Variants in TAF6L observed in about 807,000 individuals in gnomAD.
The protein encoded by TAF6L is TATA-box binding protein associated factor 6 like, also known as TAF6-like RNA polymerase II p300/CBP-associated factor-associated factor 65 kDa subunit 6L.
Under a neutral mutation model 57.3 loss-of-function variants are expected in TAF6L, and 34 were observed. The observed-to-expected ratio is 0.59, with a 90% CI of 0.45 to 0.79. TAF6L has a LOEUF of 0.79. Ranked by LOEUF, TAF6L falls within the 30% of genes least tolerant of loss-of-function variation. The pLI is 0.00. For missense variants in TAF6L, 782 were observed against 853.2 expected (o/e 0.92, Z 1.04); for synonymous variants, 417 against 376.3 (o/e 1.11, Z -1.25).
chr11:62,778,389 C>T (rs769802024), intron 5 of TAF6L, 54 bp downstream of exon 5: 1 of 1,604,208 alleles, frequency 6.2e-7, no homozygotes, highest in South Asian at 1.1e-5. Context: ...CCCTTAGGTT[C>T]TGAGGGTGGT....
chr11:62,787,108 C>T lies in TAF6L; in HGVS notation c.1681C>T (p.Arg561Cys), dbSNP rs374489267. ...CGCCCCGCGCGGCGCCCCGCACTTT[C>T]GTTTCATCATAGCCGGGCGGCAGGC... Reference protein sequence around the residue: ...RFAPRGAPHFRFIIAGRQAGR... With the variant: ...RFAPRGAPHFCFIIAGRQAGR... Residue 561 changes from arginine (R) to cysteine (C), a missense_variant, in exon 11 of 11, where the codon CGT becomes TGT. Physicochemically the swap from Arg to Cys is radical, Grantham distance 180. Around this residue, in one of 3 missense-constraint regions of TAF6L, gnomAD observed 483 missense variants for 445.1 expected, o/e 1.09. Coordinates refer to ENST00000294168, the MANE Select transcript of TAF6L (RefSeq NM_006473.4). 5 of 1,549,340 alleles carry T rather than the reference C, an allele frequency of 3.2e-6. No homozygotes were observed. The highest frequency in any genetic ancestry group is 1.4e-5 in the African/African-American group (1 of 72,312).
intron 6 of TAF6L, among the ~76,000 whole-genome samples, chr11:62,780,759 G>A (rs891640690): frequency 2.7e-5 from 4 of 150,830 alleles, no homozygotes; most frequent in Non-Finnish European, 4.4e-5. Flanking sequence ...GTGATTTCCC[G>A]TTGGATATCT....
intron 5 of TAF6L, 74 bp downstream of exon 5, chr11:62,778,409 C>A: frequency 3.2e-6 from 5 of 1,550,736 alleles, no homozygotes; most frequent in Non-Finnish European, 4.4e-6. Flanking sequence ...TGCCTATGTG[C>A]CCCCGAGTCT....
intron 6 of TAF6L, among the ~76,000 whole-genome samples, chr11:62,781,189 T>C (rs1040822360): frequency 4.7e-5 from 7 of 150,368 alleles, no homozygotes; most frequent in Admixed American, 3.3e-4. Flanking sequence ...TGAGCTGAGA[T>C]TGAGCCACTG....
At chr11:62,772,545 CG>C (rs1490881838) in intron 1 of TAF6L, among the ~76,000 whole-genome samples, 2 of 135,246 alleles carry the variant, frequency 1.5e-5, no homozygotes, top group Non-Finnish European at 3.1e-5. Context: ...AAAAGCTCGT[CG>C]GGCCAGGTGC....
chr11:62,785,808 TACAGGCGTGAGCC>T (rs1257382425), intron 9 of TAF6L, among the ~76,000 whole-genome samples: 3 of 152,238 alleles, frequency 2.0e-5, no homozygotes, highest in Admixed American at 6.5e-5. Flanking sequence ...GTGCTGGGAT[TACAGGCGTGAGCC>T]ACAGCGCCTG....
chr11:62,777,863 TC>T (rs1213653244), intron 3 of TAF6L, 114 bp from the exon 4 acceptor site: 104 of 1,288,860 alleles, frequency 8.1e-5, no homozygotes, highest in Middle Eastern at 2.6e-4. Flanking sequence ...TCTTGGGACT[TC>T]TGGACTTCCT....
rs374489267 is a variant in TAF6L at position 62,787,108 on chromosome 11, C to G, written c.1681C>G (p.Arg561Gly). 6.5e-7 allele frequency: 1 copy of G among 1,549,340 alleles called. No homozygotes were observed. Among genetic ancestry groups the G allele is most frequent in the Non-Finnish European group, 8.7e-7 (1 of 1,155,590 alleles). ...RFAPRGAPHF[R>G]FIIAGRQAGR... ...CGCCCCGCGCGGCGCCCCGCACTTT[C>G]GTTTCATCATAGCCGGGCGGCAGGC... Residue 561 changes from arginine (R) to glycine (G), a missense_variant, in exon 11 of 11, where the codon CGT becomes GGT. By Grantham distance (125) the Arg-to-Gly change is moderately radical. Transcript: ENST00000294168.
chr11:62,774,145 C>T (rs1022541612), intron 1 of TAF6L, among the ~76,000 whole-genome samples: 3 of 151,644 alleles, frequency 2.0e-5, no homozygotes, highest in Non-Finnish European at 2.9e-5. Context: ...GGCGTGATCT[C>T]GGCTCACTGC....
At chr11:62,783,966 A>G (rs1484700484) in intron 9 of TAF6L, among the ~76,000 whole-genome samples, 1 of 144,878 alleles carries the variant, frequency 6.9e-6, no homozygotes, top group Non-Finnish European at 1.5e-5. Flanking sequence ...TTTTTTTGAG[A>G]TGGAATCTTG....
intron 3 of TAF6L, among the ~76,000 whole-genome samples, chr11:62,777,675 A>G (rs894539381): frequency 3.9e-5 from 6 of 152,180 alleles, no homozygotes; most frequent in African/African-American, 9.6e-5. Context: ...TTTAGAAGAC[A>G]TTAGTGAGTT....
At chr11:62,773,077 G>A (rs924524386) in intron 1 of TAF6L, among the ~76,000 whole-genome samples, 3 of 151,652 alleles carry the variant, frequency 2.0e-5, no homozygotes, top group Admixed American at 6.6e-5. Context: ...TCCTGACCTC[G>A]TGATCCACCA....
At chr11:62,782,356 C>G in intron 8 of TAF6L, 23 bp downstream of exon 8, 1 of 1,607,754 alleles carries the variant, frequency 6.2e-7, no homozygotes, top group Non-Finnish European at 8.5e-7. Flanking sequence ...CCTAAACCTG[C>G]GGGTGGGATT....
chr11:62,779,952 C>CTATATATA (rs1225374367), intron 6 of TAF6L, among the ~76,000 whole-genome samples: 5 of 100,062 alleles, frequency 5.0e-5, no homozygotes, highest in African/African-American at 2.2e-4. Flanking sequence ...AGGCGTGAGC[C>CTATATATA]TATATATATA....
At chr11:62,782,085 C>CCTGTAAG in intron 7 of TAF6L, 28 bp from the exon 8 acceptor site, 3 of 1,591,790 alleles carry the variant, frequency 1.9e-6, no homozygotes, top group Non-Finnish European at 2.6e-6. Flanking sequence ...CCCTCATGTC[C>CCTGTAAG]CTGTAAGCTA....
chr11:62,785,766 C>T (rs947182587), intron 9 of TAF6L, among the ~76,000 whole-genome samples: 1 of 149,198 alleles, frequency 6.7e-6, no homozygotes, highest in Non-Finnish European at 1.5e-5. Context: ...AACTCCTGAC[C>T]TCAGGTGATC....
rs1458192917 is a variant in TAF6L, at chr11:62,786,980, CCT to C, written c.1556_1557del (p.Ser519Ter). ...CCCGCGTCGGCCTCTGGGCCCGCCG[CCT>C]CTGAGAGCAGGCCCTTGCCGCGCGT... is the stretch of plus-strand genomic sequence containing the variant. On this transcript the variant is annotated frameshift_variant, in exon 11 of 11. Coordinates refer to ENST00000294168, the MANE Select transcript of TAF6L (RefSeq NM_006473.4). LOFTEE classifies it high-confidence loss of function. The C allele has an allele frequency of 2.8e-6, 4 of 1,452,360 alleles. No individual in the cohort carries two copies. The highest frequency in any genetic ancestry group is 3.6e-6 in the Non-Finnish European group (4 of 1,114,372). The allele number at this position is 1,452,360 out of a possible 1,614,324, so 90.0% of individuals were successfully genotyped here.
intron 2 of TAF6L, 118 bp downstream of exon 2, chr11:62,776,048 C>T (rs906192965): frequency 6.2e-6 from 8 of 1,282,922 alleles, no homozygotes; most frequent in Non-Finnish European, 8.4e-6. Flanking sequence ...ACAACAGAGA[C>T]AGTCCATGCC....
chr11:62,781,547 G>T (rs868467951), intron 6 of TAF6L, among the ~76,000 whole-genome samples: 10 of 151,644 alleles, frequency 6.6e-5, no homozygotes, highest in Admixed American at 6.6e-4. Flanking sequence ...GGTGGCAGGC[G>T]CCTGTAGTCC....
Sources: gnomAD v4.1 joint callset for allele counts (sites outside exome capture counted in the v4.1 genomes callset) on GRCh38, gnomAD v4.1.1 for gene constraint, gnomAD v4.1.1 regional missense constraint, MANE v1.5 for transcripts, NCBI Gene and HGNC (gene_info 2026-07-23, HGNC 2026-07-21) for gene names.